The following STAT1 variants were observed in gnomAD, a reference collection of about 807,000 sequenced individuals.
STAT1 encodes the protein signal transducer and activator of transcription 1-alpha/beta.
A neutral mutation model predicts 111.7 loss-of-function variants in STAT1; 24 were observed. That is an observed-to-expected ratio of 0.21 (90% confidence interval 0.16 to 0.30). The LOEUF is 0.30. STAT1 is among the 10% of genes least tolerant of loss of function. The pLI is 1.00. For synonymous variants in STAT1, 332 were observed against 326.5 expected (o/e 1.02, Z -0.18); for missense variants, 351 against 911.9 (o/e 0.38, Z 7.92).
rs1429826782 is a variant in STAT1 at position 191,003,262 on chromosome 2, A to G, written c.373-2099T>C. On this transcript the variant is annotated intron_variant, in intron 5 of 24. Transcript: ENST00000361099. The surrounding 1 kb of genome is among the most constrained non-coding windows in gnomAD (Gnocchi z 4.0). ...TGTTACTGGTATCCTCTGTAAGTCCAAGGTGCCACATATCACTCAGTGACA... is the reference window on the plus strand; with the variant it reads ...TGTTACTGGTATCCTCTGTAAGTCCGAGGTGCCACATATCACTCAGTGACA... Among the ~76,000 whole-genome samples, 1 of 152,224 alleles carries G rather than the reference A, an allele frequency of 6.6e-6. No individual in the cohort carries two copies. The highest frequency in any genetic ancestry group is 1.5e-5 in the Non-Finnish European group (1 of 68,034).
In STAT1 at chr2:190,989,650, C is replaced by T. The variant is rs1305560930; in HGVS notation, c.1062G>A (p.Leu354=). The change falls in exon 12 of 25, where the codon CTG becomes CTA. Residue 354 remains leucine (L), a synonymous_variant. Transcript: ENST00000361099. The surrounding 1 kb of genome is among the most constrained non-coding windows in gnomAD (Gnocchi z 5.0). ...AGACTTTGACTTTCAAATTATAATT[C>T]AGCTCTTGCAATTTCACCAACAGTC... ...KLRLLVKLQE[L]NYNLKVKVLF... The T allele has an allele frequency of 2.5e-6, 4 of 1,595,888 alleles. No homozygotes were observed. In the South Asian group the frequency reaches 4.5e-5, roughly 18 times the overall value.
chr2:190,986,778 T>C lies in STAT1; in HGVS notation c.1221+76A>G. The C allele has an allele frequency of 7.1e-7, 1 of 1,418,272 alleles. No individual in the cohort carries two copies. Among genetic ancestry groups the C allele is most frequent in the Non-Finnish European group, 1.0e-6 (1 of 1,002,482 alleles). The allele number at this position is 1,418,272 out of a possible 1,614,324, so 87.9% of individuals were successfully genotyped here. On this transcript the variant is annotated intron_variant, in intron 14 of 24. Transcript: ENST00000361099. The surrounding 1 kb of genome is among the most constrained non-coding windows in gnomAD (Gnocchi z 5.0). ...GGGGGGCGTCCTCCACATGGCAATG[T>C]GCCAAAAAGGGCTGCTCTATTGTCA...
At chr2:190,972,561 G>A (rs935926833) in intron 24 of STAT1, among the ~76,000 whole-genome samples, 25 of 152,276 alleles carry the variant, frequency 1.6e-4, no homozygotes, top group Non-Finnish European at 3.2e-4. Context: ...CTTGGGGAGA[G>A]CTGCTTCTGT....
At position 190,999,300 on chromosome 2, in the gene STAT1, G is replaced by A. The variant is rs1346759608; in HGVS notation, c.541+326C>T. On this transcript the variant is annotated intron_variant, in intron 7 of 24. Transcript: ENST00000361099. This position sits in a 1 kb window ranked among gnomAD's most constrained non-coding sequence, Gnocchi z 4.1. ...ACATAACCAGTGGTTATCAAGTAGG[G>A]GTCACTGACCCCTAGGGGACTTTTG... 1.3e-5 allele frequency among the ~76,000 whole-genome samples: 2 copies of A among 151,994 alleles called. No individual in the cohort carries two copies. The highest frequency in any genetic ancestry group is 6.6e-5 in the Admixed American group (1 of 15,260).
Position 190,983,576 on chromosome 2 carries a change from G to T in STAT1, c.1446+66C>A. 1 of 1,399,410 alleles carries T rather than the reference G, an allele frequency of 7.1e-7. No homozygotes were observed. Among genetic ancestry groups the T allele is most frequent in the Non-Finnish European group, 1.0e-6 (1 of 984,970 alleles). 86.7% of individuals were successfully genotyped at this position (1,399,410 alleles called of 1,614,324 possible). A position where few individuals can be genotyped will look rare whatever the true frequency, so the allele number is the denominator to read the frequency against. On this transcript the variant is annotated intron_variant, in intron 17 of 24. Transcript: ENST00000361099. The surrounding 1 kb of genome is among the most constrained non-coding windows in gnomAD (Gnocchi z 5.7). ...AACTGGCCATTGGGGCTATTTCAGA[G>T]ATGCAGCAGTGAGAGCGTGGGGTCT... is the stretch of plus-strand genomic sequence containing the variant.
chr2:190,996,423 G>A lies in STAT1; in HGVS notation c.786-1204C>T, dbSNP rs962559149. ...GGATAACGGCTGGCTGAGTTCCAGC[G>A]GAGAAGCTAAACCAGTGTCCCCAAC... On this transcript the variant is annotated intron_variant, in intron 9 of 24. Coordinates refer to ENST00000361099, the MANE Select transcript of STAT1 (RefSeq NM_007315.4). This position sits in a 1 kb window ranked among gnomAD's most constrained non-coding sequence, Gnocchi z 4.5. Among the ~76,000 whole-genome samples the A allele has an allele frequency of 3.3e-5, 5 of 152,332 alleles. No homozygotes were observed. The highest frequency in any genetic ancestry group is 2.0e-4 in the Admixed American group (3 of 15,312).
chr2:191,012,087 T>C lies in STAT1; in HGVS notation c.-2+1438A>G, dbSNP rs1000310817. Among the ~76,000 whole-genome samples the C allele has an allele frequency of 6.6e-6, 1 of 151,634 alleles. No individual in the cohort carries two copies. Among genetic ancestry groups the C allele is most frequent in the African/African-American group, 2.4e-5 (1 of 41,344 alleles). On this transcript the variant is annotated intron_variant, in intron 2 of 24. Transcript: ENST00000361099. The surrounding 1 kb of genome is among the most constrained non-coding windows in gnomAD (Gnocchi z 4.0). The stretch of plus-strand genomic sequence containing the variant: ...TTAAGGCTGGTTGAGCTAGTACATA[T>C]GTAGCACCTGGCACAGAAGAGGTGA...
At position 190,978,926 on chromosome 2, in the gene STAT1, C is replaced by CTG; in HGVS notation, c.1802_1803insCA (p.Arg602SerfsTer64). ...CTTCCCGGGAGCTCTCACTGAACCG[C>CTG]AGCAGGAAGGTCCCCGGCTGCTGGT... On this transcript the variant is annotated frameshift_variant, in exon 21 of 25. Transcript: ENST00000361099. LOFTEE classifies it high-confidence loss of function. This position sits in a 1 kb window ranked among gnomAD's most constrained non-coding sequence, Gnocchi z 6.1. 6.2e-7 allele frequency: 1 copy of CTG among 1,614,184 alleles called. No individual in the cohort carries two copies. Among genetic ancestry groups the CTG allele is most frequent in the Non-Finnish European group, 8.5e-7 (1 of 1,180,028 alleles).
chr2:191,008,440 C>A (rs1368372002), intron 4 of STAT1, among the ~76,000 whole-genome samples: 2 of 152,188 alleles, frequency 1.3e-5, no homozygotes, highest in Non-Finnish European at 2.9e-5. Context: ...ATGTCTGGAT[C>A]TTTCTTTGAC....
rs1467814913 is a variant in STAT1 at position 191,013,763 on chromosome 2, G to C, written c.-155-85C>G. 7.5e-6 allele frequency: 3 copies of C among 398,312 alleles called. No individual in the cohort carries two copies. In the Admixed American group the frequency reaches 1.3e-4, roughly 18 times the overall value. The allele number at this position is 398,312 out of a possible 1,614,324, so 24.7% of individuals were successfully genotyped here. On this transcript the variant is annotated intron_variant, in intron 1 of 24. Transcript: ENST00000361099. ...AAATGGGAAGGTGCAGTGCCTTCTA[G>C]AGGAAAATTATATTTCACAAGTCCT...
chr2:190,971,735 C>T lies in STAT1; in HGVS notation c.2239-1018G>A, dbSNP rs542496188. On this transcript the variant is annotated intron_variant, in intron 24 of 24. Transcript: ENST00000361099. The surrounding 1 kb of genome is among the most constrained non-coding windows in gnomAD (Gnocchi z 4.1). ...TTCTTTTTTTTTTTCAAATTGGAGA[C>T]GGAGTCTTCCTCTGTTGCCCAGACT... is the stretch of plus-strand genomic sequence containing the variant. Among the ~76,000 whole-genome samples the T allele has an allele frequency of 5.9e-5, 9 of 151,328 alleles. No homozygotes were observed. The highest frequency in any genetic ancestry group is 4.2e-4 in the South Asian group (2 of 4,794).
rs1692483532 is a variant in STAT1 at position 190,982,740 on chromosome 2, T to C, written c.1447-222A>G. On this transcript the variant is annotated intron_variant, in intron 17 of 24. Transcript: ENST00000361099. The surrounding 1 kb of genome is among the most constrained non-coding windows in gnomAD (Gnocchi z 7.3). ...TTTACTTGTAACTCCAAAATCTAAA[T>C]ACATGGCATCTTTGGGGTCATTTGA... Among the ~76,000 whole-genome samples the C allele has an allele frequency of 6.6e-6, 1 of 152,198 alleles. No homozygotes were observed. Among genetic ancestry groups the C allele is most frequent in the African/African-American group, 2.4e-5 (1 of 41,436 alleles).
rs764100461 is a variant in STAT1 at position 191,004,106 on chromosome 2, T to C, written c.373-2943A>G. On this transcript the variant is annotated intron_variant, in intron 5 of 24. Transcript: ENST00000361099. The surrounding 1 kb of genome is among the most constrained non-coding windows in gnomAD (Gnocchi z 5.0). The stretch of plus-strand genomic sequence containing the variant: ...TAGTCCCTCCAAGTCACTCAAACCC[T>C]TGGTGCTCTCTTACCCCTTCCACTC... 2.6e-5 allele frequency among the ~76,000 whole-genome samples: 4 copies of C among 152,268 alleles called. No homozygotes were observed. Among genetic ancestry groups the C allele is most frequent in the Non-Finnish European group, 5.9e-5 (4 of 68,000 alleles).
rs1692323263 is a variant in STAT1, at chr2:190,980,779, A to G, written c.1583-110T>C. On this transcript the variant is annotated intron_variant, in intron 18 of 24. Transcript: ENST00000361099. The surrounding 1 kb of genome is among the most constrained non-coding windows in gnomAD (Gnocchi z 6.1). ...CAAGGAAAAGAGCCAAACACCCAACAAAGATTGTATGTACACAGTTGACAT... is the reference window on the plus strand; with the variant it reads ...CAAGGAAAAGAGCCAAACACCCAACGAAGATTGTATGTACACAGTTGACAT... The G allele has an allele frequency of 1.9e-6, 2 of 1,065,780 alleles. No homozygotes were observed. Among genetic ancestry groups the G allele is most frequent in the Non-Finnish European group, 2.9e-6 (2 of 695,620 alleles). The allele number at this position is 1,065,780 out of a possible 1,614,324, so 66.0% of individuals were successfully genotyped here. A position where few individuals can be genotyped will look rare whatever the true frequency, so the allele number is the denominator to read the frequency against.
rs1691869333 is a variant in STAT1, at chr2:190,975,861, G to T, written c.2086C>A (p.Pro696Thr). The T allele has an allele frequency of 1.2e-6, 2 of 1,613,602 alleles. No homozygotes were observed. The highest frequency in any genetic ancestry group is 2.7e-5 in the African/African-American group (2 of 74,768). ...EAPEPMELDG[P>T]KGTGYIKTEL... ...GTCTTGATATATCCAGTTCCTTTAG[G>T]GCCATCAAGTTCCATTGGCTCTGGT... The change falls in exon 23 of 25, where the codon CCT becomes ACT. Residue 696 changes from proline to threonine, a missense_variant. Transcript: ENST00000361099. This position sits in a 1 kb window ranked among gnomAD's most constrained non-coding sequence, Gnocchi z 5.9.
At position 191,004,877 on chromosome 2, in the gene STAT1, C is replaced by T. The variant is rs190209985; in HGVS notation, c.372+2686G>A. Among the ~76,000 whole-genome samples the T allele has an allele frequency of 3.8e-3, 573 of 152,216 alleles. 5 individuals are homozygous for T. The highest frequency in any genetic ancestry group is 0.013 in the African/African-American group (550 of 41,526). ...TCCCTCCCACCTGAAAGAAATTCTCCCCATCCCTTCAGACCCTATGGACCT... is the reference window on the plus strand; with the variant it reads ...TCCCTCCCACCTGAAAGAAATTCTCTCCATCCCTTCAGACCCTATGGACCT... On this transcript the variant is annotated intron_variant, in intron 5 of 24. Coordinates refer to ENST00000361099, the MANE Select transcript of STAT1 (RefSeq NM_007315.4). This position sits in a 1 kb window ranked among gnomAD's most constrained non-coding sequence, Gnocchi z 5.0.
Position 190,987,631 on chromosome 2 carries a change from G to C in STAT1, c.1098-563C>G, listed in dbSNP as rs754097643. 3.3e-5 allele frequency among the ~76,000 whole-genome samples: 5 copies of C among 152,178 alleles called. No individual in the cohort carries two copies. Among genetic ancestry groups the C allele is most frequent in the Non-Finnish European group, 5.9e-5 (4 of 68,026 alleles). On this transcript the variant is annotated intron_variant, in intron 12 of 24. Coordinates refer to ENST00000361099, the MANE Select transcript of STAT1 (RefSeq NM_007315.4). This position sits in a 1 kb window ranked among gnomAD's most constrained non-coding sequence, Gnocchi z 4.0. The stretch of plus-strand genomic sequence containing the variant: ...GTCAGTTATCTGGGGAAAGTGGCAA[G>C]TTTAAGTTTTAAGTCTGAGGTTAAA...
At chr2:191,010,089 C>G in intron 2 of STAT1, 85 bp from the exon 3 acceptor site, 1 of 1,471,522 alleles carries the variant, frequency 6.8e-7, no homozygotes, top group Middle Eastern at 1.7e-4. Context: ...AGGTTGTACT[C>G]TTAAATATCT....
chr2:190,982,377 A>G lies in STAT1; in HGVS notation c.1582+6T>C, dbSNP rs1282597408. 8.7e-6 allele frequency: 14 copies of G among 1,614,158 alleles called. No individual in the cohort carries two copies. Among genetic ancestry groups the G allele is most frequent in the Non-Finnish European group, 1.2e-5 (14 of 1,179,976 alleles). ...TTATAAACATAACAAGTTAATATGCATATACCAAGAAGCTTCTCTCCCAAC... is the reference window on the plus strand; with the variant it reads ...TTATAAACATAACAAGTTAATATGCGTATACCAAGAAGCTTCTCTCCCAAC... On this transcript the variant is annotated splice_donor_region_variant and intron_variant, in intron 18 of 24. Transcript: ENST00000361099. The surrounding 1 kb of genome is among the most constrained non-coding windows in gnomAD (Gnocchi z 7.3).
Sources: gnomAD v4.1 joint callset for allele counts (sites outside exome capture counted in the v4.1 genomes callset) on GRCh38, gnomAD v4.1.1 for gene constraint, Gnocchi (gnomAD v3.1) non-coding constraint, MANE v1.5 for transcripts, NCBI Gene and HGNC (gene_info 2026-07-23, HGNC 2026-07-21) for gene names.